Variants in BNC2 observed in about 807,000 individuals in gnomAD.
The protein encoded by BNC2 is basonuclin zinc finger protein 2.
BNC2 carries 20 observed loss-of-function variants against 76.3 expected under a neutral mutation model. That is an observed-to-expected ratio of 0.26 (90% CI 0.18 to 0.38). The LOEUF is 0.38. Ranked by LOEUF, BNC2 falls within the 10% of genes least tolerant of loss-of-function variation. BNC2 has a pLI of 1.00. For synonymous variants in BNC2, 582 were observed against 514.8 expected (o/e 1.13, Z -1.77); for missense variants, 1,382 against 1,399.8 (o/e 0.99, Z 0.20).
chr9:16,804,327 T>G (rs1409730328), intron 1 of BNC2, among the ~76,000 whole-genome samples: 2 of 152,226 alleles, frequency 1.3e-5, no homozygotes, highest in Non-Finnish European at 2.9e-5. Flanking sequence ...GTACTATCAT[T>G]GTCTCCAAAT....
chr9:16,440,235 C>G (rs1230116293), intron 5 of BNC2, among the ~76,000 whole-genome samples: 1 of 152,110 alleles, frequency 6.6e-6, no homozygotes, highest in African/African-American at 2.4e-5. Flanking sequence ...GAGTTGAACA[C>G]AAAAATTCTG....
At chr9:16,731,984 G>A (rs1038250210) in intron 2 of BNC2, among the ~76,000 whole-genome samples, 9 of 152,156 alleles carry the variant, frequency 5.9e-5, no homozygotes, top group African/African-American at 2.2e-4. Flanking sequence ...TTCAGTTAGT[G>A]TGGGATAACA....
chr9:16,765,068 A>G, intron 1 of BNC2, among the ~76,000 whole-genome samples: 1 of 152,208 alleles, frequency 6.6e-6, no homozygotes, highest in Admixed American at 6.5e-5. Flanking sequence ...ACAACTCTTT[A>G]GAGTCAGACA....
intron 3 of BNC2, among the ~76,000 whole-genome samples, chr9:16,602,084 T>C (rs1820258832): frequency 6.6e-6 from 1 of 152,142 alleles, no homozygotes. Flanking sequence ...TCTAACCCCC[T>C]TGCAGGAACT....
At chr9:16,860,704 T>A (rs1246121606) in intron 1 of BNC2, among the ~76,000 whole-genome samples, 1 of 152,066 alleles carries the variant, frequency 6.6e-6, no homozygotes, top group Non-Finnish European at 1.5e-5. Context: ...TAAATTAGAC[T>A]TCATCAAAAA....
At chr9:16,509,289 A>G (rs1374690932) in intron 5 of BNC2, among the ~76,000 whole-genome samples, 1 of 152,196 alleles carries the variant, frequency 6.6e-6, no homozygotes, top group Non-Finnish European at 1.5e-5. Flanking sequence ...CTCAAATTCT[A>G]ACATATACAT....
intron 3 of BNC2, among the ~76,000 whole-genome samples, chr9:16,617,534 A>G (rs544753535): frequency 5.3e-5 from 8 of 152,114 alleles, no homozygotes; most frequent in African/African-American, 1.9e-4. Flanking sequence ...GAGGAAAAAA[A>G]AAAAAAAAAA....
intron 5 of BNC2, among the ~76,000 whole-genome samples, chr9:16,496,072 C>A (rs891185125): frequency 6.6e-6 from 1 of 151,846 alleles, no homozygotes; most frequent in Non-Finnish European, 1.5e-5. Flanking sequence ...CCATGCCCGG[C>A]TAATCTTTGT....
rs554243088 is a variant in BNC2, at chr9:16,435,973, C to T, written c.2221G>A (p.Asp741Asn). Residue 741 changes from aspartate (D) to asparagine (N), a missense_variant, in exon 6 of 7, where the codon GAT becomes AAT. This residue lies in a region of BNC2 where 798 missense variants were observed against 775.5 expected (regional missense o/e 1.03). Transcript: ENST00000380672. ...CTCACTTCGCTGTGAATGTGCTCAT[C>T]CCCTTCCATGGATTCCTCGCCCAGT... ...PKLGEESMEG[D>N]EHIHSEVSEK... The T allele has an allele frequency of 4.3e-5, 70 of 1,614,176 alleles. No individual in the cohort carries two copies. The East Asian group carries it at 1.6e-3, about 36-fold the overall frequency.
At chr9:16,774,811 G>C (rs1394786531) in intron 1 of BNC2, among the ~76,000 whole-genome samples, 1 of 152,148 alleles carries the variant, frequency 6.6e-6, no homozygotes, top group Non-Finnish European at 1.5e-5. Context: ...AACAACCCAG[G>C]ACCCTGAGTG....
chr9:16,480,941 G>T (rs1038403397), intron 5 of BNC2, among the ~76,000 whole-genome samples: 1 of 152,228 alleles, frequency 6.6e-6, no homozygotes, highest in African/African-American at 2.4e-5. Flanking sequence ...GCCTGGTGCG[G>T]GATCCACTGG....
chr9:16,481,293 G>T (rs541890755), intron 5 of BNC2, among the ~76,000 whole-genome samples: 2 of 152,178 alleles, frequency 1.3e-5, no homozygotes, highest in South Asian at 2.1e-4. Context: ...AAAGCAGGCT[G>T]CCCGAGCCAG....
At chr9:16,615,735 T>C (rs1820678259) in intron 3 of BNC2, among the ~76,000 whole-genome samples, 1 of 152,246 alleles carries the variant, frequency 6.6e-6, no homozygotes, top group African/African-American at 2.4e-5. Context: ...CTTTTCTTTG[T>C]TAATTTGTCT....
intron 5 of BNC2, among the ~76,000 whole-genome samples, chr9:16,549,042 A>T (rs1818576615): frequency 6.6e-6 from 1 of 152,220 alleles, no homozygotes; most frequent in Non-Finnish European, 1.5e-5. Context: ...ATGTATCTGT[A>T]GCATCACTAT....
At chr9:16,838,197 T>C (rs891438082) in intron 1 of BNC2, among the ~76,000 whole-genome samples, 19 of 152,240 alleles carry the variant, frequency 1.2e-4, no homozygotes, top group African/African-American at 4.3e-4. Context: ...AAAATGTTTC[T>C]TTGGAATTTT....
intron 1 of BNC2, among the ~76,000 whole-genome samples, chr9:16,851,751 A>G (rs1175853017): frequency 6.6e-6 from 1 of 152,192 alleles, no homozygotes; most frequent in East Asian, 1.9e-4. Context: ...ATTAAAAATG[A>G]AGGAAAAAGT....
chr9:16,468,598 G>A (rs372897551), intron 5 of BNC2, among the ~76,000 whole-genome samples: 10 of 152,006 alleles, frequency 6.6e-5, no homozygotes, highest in South Asian at 2.1e-4. Flanking sequence ...GTTTCACCAC[G>A]TTGGCCAGAA....
chr9:16,670,763 C>T (rs955353319), intron 3 of BNC2, among the ~76,000 whole-genome samples: 44 of 152,162 alleles, frequency 2.9e-4, no homozygotes, highest in African/African-American at 9.7e-4. Context: ...AAGTACACTA[C>T]AATAAATGCA....
intron 3 of BNC2, among the ~76,000 whole-genome samples, chr9:16,676,209 T>A (rs1301819683): frequency 6.6e-6 from 1 of 152,226 alleles, no homozygotes; most frequent in Non-Finnish European, 1.5e-5. Flanking sequence ...GGAGGGAATG[T>A]GTGCTCTTAA....
Sources: allele counts gnomAD v4.1 joint callset (sites outside exome capture counted in the v4.1 genomes callset), GRCh38; gene constraint gnomAD v4.1.1; regional missense constraint gnomAD v4.1.1; transcripts MANE v1.5; gene names NCBI Gene and HGNC (gene_info 2026-07-23, HGNC 2026-07-21).